The following RPRD1A variants were observed in gnomAD, a reference collection of about 807,000 sequenced individuals.
The protein encoded by RPRD1A is regulation of nuclear pre-mRNA domain-containing protein 1A.
In RPRD1A, 9 loss-of-function variants were observed where a neutral mutation model predicts 37.8. The observed-to-expected ratio is 0.24, with a 90% CI of 0.14 to 0.42. The LOEUF is 0.42. RPRD1A is among the 10% of genes least tolerant of loss of function. RPRD1A has a pLI of 1.00. For missense variants in RPRD1A, 255 were observed against 371.0 expected, an observed-to-expected ratio of 0.69 and a Z score of 2.57; for synonymous variants, 138 against 139.7, an observed-to-expected ratio of 0.99 and a Z score of 0.08.
At chr18:35,996,565 G>A (rs1293301148) in intron 6 of RPRD1A, among the ~76,000 whole-genome samples, 1 of 152,088 alleles carries the variant, frequency 6.6e-6, no homozygotes, top group Admixed American at 6.6e-5. Context: ...TAAATTAATA[G>A]ATCTTAGTTA....
intron 1 of RPRD1A, among the ~76,000 whole-genome samples, chr18:36,047,208 G>GAAAT (rs111354358): frequency 0.084 from 12,527 of 150,010 alleles, 513 homozygotes; most frequent in African/African-American, 0.099. Context: ...ACCCTGTCTC[G>GAAAT]AAATAAATAA....
intron 2 of RPRD1A, among the ~76,000 whole-genome samples, chr18:36,032,398 A>G (rs1287430450): frequency 6.6e-6 from 1 of 152,226 alleles, no homozygotes; most frequent in Admixed American, 6.5e-5. Flanking sequence ...AATTTAGCTT[A>G]AACTGTAGAC....
At chr18:36,051,812 AAAAG>A (rs1170064758) in intron 1 of RPRD1A, among the ~76,000 whole-genome samples, 1 of 152,192 alleles carries the variant, frequency 6.6e-6, no homozygotes, top group Non-Finnish European at 1.5e-5. Flanking sequence ...AGCAGAAAGA[AAAAG>A]AATGAAGAAA....
intron 6 of RPRD1A, among the ~76,000 whole-genome samples, chr18:36,018,900 T>C (rs1310014485): frequency 6.6e-6 from 1 of 151,752 alleles, no homozygotes; most frequent in African/African-American, 2.4e-5. Context: ...TAAACCTGAG[T>C]GGAAAAGGAA....
At chr18:36,030,737 C>T (rs183611379) in intron 4 of RPRD1A, 71 bp downstream of exon 4, 9,289 of 910,274 alleles carry the variant, frequency 0.01, 71 homozygotes, top group Non-Finnish European at 0.014. Flanking sequence ...AGAAGTGAAA[C>T]GAAATTAATA....
intron 1 of RPRD1A, among the ~76,000 whole-genome samples, chr18:36,048,903 G>A (rs570358074): frequency 2.0e-5 from 3 of 152,152 alleles, no homozygotes; most frequent in South Asian, 2.1e-4. Flanking sequence ...GAAAAAAAAC[G>A]TTTACAGCTA....
chr18:36,030,837 A>G lies in RPRD1A; in HGVS notation c.457T>C (p.Ser153Pro). 6.2e-7 allele frequency: 1 copy of G among 1,613,138 alleles called. No homozygotes were observed. Among genetic ancestry groups the G allele is most frequent in the Non-Finnish European group, 8.5e-7 (1 of 1,179,342 alleles). ...GGTGGTTCACTTGGAGATCCCAGAG[A>G]GGAACAGTTTTCATTTTCATCCACC... ...IKVDENENCS[S>P]LGSPSEPPQT... Residue 153 changes from serine (S) to proline (P), a missense_variant, in exon 4 of 7, where the codon TCT (serine) becomes CCT (proline). This residue lies in a region of RPRD1A where 211 missense variants were observed against 268.9 expected (regional missense o/e 0.78). Coordinates refer to ENST00000399022, the MANE Select transcript of RPRD1A (RefSeq NM_018170.5).
At chr18:36,036,347 T>C (rs1912194663) in intron 1 of RPRD1A, among the ~76,000 whole-genome samples, 1 of 152,184 alleles carries the variant, frequency 6.6e-6, no homozygotes, top group South Asian at 2.1e-4. Context: ...GTGCTGGGAT[T>C]ACTGGTGTGA....
chr18:36,038,047 C>T (rs75175278), intron 1 of RPRD1A, among the ~76,000 whole-genome samples: 3,876 of 152,174 alleles, frequency 0.025, 186 homozygotes, highest in African/African-American at 0.088. Context: ...CATAAAAGTT[C>T]GAAAAATTTG....
chr18:36,014,733 A>T (rs886248988), intron 6 of RPRD1A, among the ~76,000 whole-genome samples: 1 of 152,124 alleles, frequency 6.6e-6, no homozygotes, highest in South Asian at 2.1e-4. Context: ...ACAAAGCGAG[A>T]CTCCGTCTCA....
rs545088099 is a variant in RPRD1A, at chr18:35,999,033, G to A, written c.790-5733C>T. Among the ~76,000 whole-genome samples the A allele has an allele frequency of 5.9e-5, 9 of 152,272 alleles. No homozygotes were observed. The South Asian group carries it at 1.7e-3, about 28-fold the overall frequency. On this transcript the variant is annotated intron_variant, in intron 6 of 6. Transcript: ENST00000399022. ...AAGTCCTACATTAAGACCAAACACT[G>A]CAATAGAATCTTTTCTGACTCTGGC...
At chr18:36,030,247 G>T (rs938866206) in intron 4 of RPRD1A, among the ~76,000 whole-genome samples, 3 of 151,752 alleles carry the variant, frequency 2.0e-5, no homozygotes, top group Admixed American at 6.6e-5. Context: ...CACTTTGGGA[G>T]GCCAAGGTGG....
chr18:36,038,810 A>G (rs572246777), intron 1 of RPRD1A, among the ~76,000 whole-genome samples: 1 of 152,068 alleles, frequency 6.6e-6, no homozygotes, highest in Non-Finnish European at 1.5e-5. Context: ...GTGATTTTGG[A>G]GCTTTAAGGT....
At chr18:36,036,071 T>A (rs1262877496) in intron 1 of RPRD1A, among the ~76,000 whole-genome samples, 2 of 151,934 alleles carry the variant, frequency 1.3e-5, no homozygotes, top group Admixed American at 1.3e-4. Context: ...GTAAATAATA[T>A]TTATTACCAC....
chr18:36,047,639 G>A (rs934293752), intron 1 of RPRD1A, among the ~76,000 whole-genome samples: 2 of 152,086 alleles, frequency 1.3e-5, no homozygotes, highest in African/African-American at 2.4e-5. Flanking sequence ...GAATAAAACA[G>A]GATATCACTA....
chr18:36,045,389 C>T (rs1380340971), intron 1 of RPRD1A, among the ~76,000 whole-genome samples: 2 of 152,142 alleles, frequency 1.3e-5, no homozygotes, highest in African/African-American at 2.4e-5. Flanking sequence ...AACAGGTATT[C>T]AAATTCCAGT....
At chr18:36,050,438 C>A (rs986542552) in intron 1 of RPRD1A, among the ~76,000 whole-genome samples, 1 of 151,888 alleles carries the variant, frequency 6.6e-6, no homozygotes, top group Admixed American at 6.6e-5. Context: ...GGTTTTCACC[C>A]GCCTTTGCTT....
chr18:36,034,119 T>C lies in RPRD1A; in HGVS notation c.152-282A>G, dbSNP rs547876180. On this transcript the variant is annotated intron_variant, in intron 1 of 6. Transcript: ENST00000399022. ...TGAAATATAGTCATTTAAAATAAGATGGTGATTGCTCATGTTATTAAGATG... is the reference window on the plus strand; with the variant it reads ...TGAAATATAGTCATTTAAAATAAGACGGTGATTGCTCATGTTATTAAGATG... 3.3e-5 allele frequency among the ~76,000 whole-genome samples: 5 copies of C among 152,206 alleles called. No homozygotes were observed. In the South Asian group the frequency reaches 1.0e-3, roughly 32 times the overall value.
chr18:36,041,687 C>T (rs1026051170), intron 1 of RPRD1A, among the ~76,000 whole-genome samples: 4 of 152,138 alleles, frequency 2.6e-5, no homozygotes, highest in Admixed American at 6.5e-5. Flanking sequence ...CTTTTCCTTC[C>T]GCCTGTGGCA....
Sources: gnomAD v4.1 joint callset for allele counts (sites outside exome capture counted in the v4.1 genomes callset) on GRCh38, gnomAD v4.1.1 for gene constraint, gnomAD v4.1.1 regional missense constraint, MANE v1.5 for transcripts, NCBI Gene and HGNC (gene_info 2026-07-23, HGNC 2026-07-21) for gene names.